The following PTH2R variants were observed in gnomAD, a reference collection of about 807,000 sequenced individuals.
The protein encoded by PTH2R is PTH2 receptor.
A neutral mutation model predicts 60.3 loss-of-function variants in PTH2R; 59 were observed. The observed-to-expected ratio is 0.98, with a 90% CI of 0.79 to 1.22. PTH2R has a LOEUF of 1.22. Ranked by LOEUF, PTH2R falls within the 50% of genes most tolerant of loss-of-function variation. PTH2R has a pLI of 0.00. For missense variants in PTH2R, 749 were observed against 682.6 expected (o/e 1.10, Z -1.08); for synonymous variants, 256 against 243.8 (o/e 1.05, Z -0.47).
At chr2:208,397,783 A>C (rs1418132662) in intron 1 of PTH2R, among the ~76,000 whole-genome samples, 2 of 152,148 alleles carry the variant, frequency 1.3e-5, no homozygotes, top group Non-Finnish European at 2.9e-5. Flanking sequence ...TGTTCTACAC[A>C]TGTGGGGATA....
chr2:208,444,659 T>G, intron 6 of PTH2R, 75 bp from the exon 7 acceptor site: 1 of 1,412,632 alleles, frequency 7.1e-7, no homozygotes, highest in Non-Finnish European at 9.6e-7. Flanking sequence ...AAGACTTGTT[T>G]TTTAGTGGTC....
intron 1 of PTH2R, among the ~76,000 whole-genome samples, chr2:208,379,889 T>G (rs1700879616): frequency 6.6e-6 from 1 of 151,272 alleles, no homozygotes; most frequent in Non-Finnish European, 1.5e-5. Flanking sequence ...AGAGACCGTT[T>G]GTGAAGGTGT....
chr2:208,397,450 C>G (rs1701232138), intron 1 of PTH2R, among the ~76,000 whole-genome samples: 1 of 152,126 alleles, frequency 6.6e-6, no homozygotes, highest in Non-Finnish European at 1.5e-5. Flanking sequence ...GGAGGAACAC[C>G]AGGGTCCTTG....
chr2:208,403,063 T>G (rs555898780), upstream of PTH2R, among the ~76,000 whole-genome samples: 259 of 152,322 alleles, frequency 1.7e-3, 1 homozygote, highest in Non-Finnish European at 2.5e-3. Flanking sequence ...TAAGGCTTGT[T>G]TGGGGAATCA....
At chr2:208,458,944 C>T (rs905941007) in intron 8 of PTH2R, among the ~76,000 whole-genome samples, 2 of 152,066 alleles carry the variant, frequency 1.3e-5, no homozygotes, top group Non-Finnish European at 2.9e-5. Flanking sequence ...CGGTAGAATG[C>T]TTTATATTCC....
chr2:208,377,062 G>A (rs957700437), intron 1 of PTH2R, among the ~76,000 whole-genome samples: 2 of 151,922 alleles, frequency 1.3e-5, no homozygotes, highest in East Asian at 3.9e-4. Context: ...AGATTAGGGA[G>A]TGGTGATGAC....
chr2:208,445,341 C>A (rs1702267913), intron 7 of PTH2R, among the ~76,000 whole-genome samples: 1 of 152,072 alleles, frequency 6.6e-6, no homozygotes, highest in Admixed American at 6.5e-5. Context: ...CTGTATTTAA[C>A]AAATACAAAT....
At chr2:208,445,017 C>T in intron 7 of PTH2R, 130 bp downstream of exon 7, 2 of 971,190 alleles carry the variant, frequency 2.1e-6, no homozygotes, top group Non-Finnish European at 3.0e-6. Context: ...TTTTATCTCC[C>T]TTTTATTGTT....
chr2:208,463,580 A>G (rs1463597107), intron 9 of PTH2R, among the ~76,000 whole-genome samples: 1 of 151,260 alleles, frequency 6.6e-6, no homozygotes, highest in African/African-American at 2.4e-5. Context: ...ACGAGAGTTA[A>G]TCACTGGGCT....
chr2:208,378,543 G>T (rs1277839116), intron 1 of PTH2R, among the ~76,000 whole-genome samples: 1 of 152,046 alleles, frequency 6.6e-6, no homozygotes, highest in Non-Finnish European at 1.5e-5. Flanking sequence ...GAGATAATTA[G>T]CTCAGGAGGG....
rs769502012 is a variant in PTH2R, at chr2:208,443,435, A to G, written c.597A>G (p.Arg199=). Residue 199 remains arginine (R), a synonymous_variant, in exon 6 of 13, where the codon AGA becomes AGG. Transcript: ENST00000272847. ...CTACAAGCATCTTTGTCAAAGACAG[A>G]GTAGTCCATGCTCACATAGGAGTAA... ...LRATSIFVKD[R]VVHAHIGVKE... 2.6e-5 allele frequency: 42 copies of G among 1,613,628 alleles called. No homozygotes were observed. In the South Asian group the frequency reaches 4.5e-4, roughly 17 times the overall value.
At chr2:208,411,152 G>A (rs1490384067) in intron 1 of PTH2R, among the ~76,000 whole-genome samples, 1 of 152,150 alleles carries the variant, frequency 6.6e-6, no homozygotes, top group Non-Finnish European at 1.5e-5. Flanking sequence ...AGGCTCAGGT[G>A]GGAGGATCGC....
intron 1 of PTH2R, among the ~76,000 whole-genome samples, chr2:208,370,601 G>T (rs1700681975): frequency 6.6e-6 from 1 of 151,786 alleles, no homozygotes; most frequent in Non-Finnish European, 1.5e-5. Flanking sequence ...ATTTTTCTCT[G>T]TTGTAATCTA....
chr2:208,492,348 T>G (rs548081259), intron 12 of PTH2R, among the ~76,000 whole-genome samples: 2 of 152,312 alleles, frequency 1.3e-5, no homozygotes, highest in South Asian at 4.1e-4. Flanking sequence ...CAGATTTTAT[T>G]CAGTAACTAC....
intron 1 of PTH2R, among the ~76,000 whole-genome samples, chr2:208,392,279 C>T (rs1701121689): frequency 1.3e-5 from 2 of 152,136 alleles, no homozygotes; most frequent in Non-Finnish European, 2.9e-5. Flanking sequence ...TTTCTGCACT[C>T]CTAATATTGG....
intron 9 of PTH2R, among the ~76,000 whole-genome samples, chr2:208,463,538 C>T (rs1319480146): frequency 6.6e-6 from 1 of 152,110 alleles, no homozygotes; most frequent in Non-Finnish European, 1.5e-5. Context: ...TCCCCTTTTG[C>T]CATCTAAAAG....
intron 1 of PTH2R, among the ~76,000 whole-genome samples, 179 bp downstream of exon 1, chr2:208,407,297 C>G (rs1425258922): frequency 6.6e-6 from 1 of 152,160 alleles, no homozygotes; most frequent in African/African-American, 2.4e-5. Context: ...GAGGGAGCTT[C>G]AAAGATCTGC....
At chr2:208,396,140 C>T (rs1158306690) in intron 1 of PTH2R, among the ~76,000 whole-genome samples, 1 of 152,170 alleles carries the variant, frequency 6.6e-6, no homozygotes, top group Non-Finnish European at 1.5e-5. Flanking sequence ...CCCTTCCTTA[C>T]ACCTTATATA....
intron 9 of PTH2R, among the ~76,000 whole-genome samples, chr2:208,474,860 G>C (rs150415969): frequency 1.3e-5 from 2 of 152,298 alleles, no homozygotes; most frequent in Non-Finnish European, 2.9e-5. Context: ...GCATAGTCCT[G>C]TTTGATTGAT....
Sources: gnomAD v4.1 joint callset for allele counts (sites outside exome capture counted in the v4.1 genomes callset) on GRCh38, gnomAD v4.1.1 for gene constraint, MANE v1.5 for transcripts, NCBI Gene and HGNC (gene_info 2026-07-23, HGNC 2026-07-21) for gene names.